The following TTC3 variants were observed in gnomAD, a reference collection of about 807,000 sequenced individuals.
TTC3 encodes the protein tetratricopeptide repeat domain 3, also known as E3 ubiquitin-protein ligase TTC3.
A neutral mutation model predicts 249.6 loss-of-function variants in TTC3; 180 were observed. That is an observed-to-expected ratio of 0.72 (90% CI 0.64 to 0.82). The LOEUF (loss-of-function observed/expected upper bound fraction) is 0.82, where lower values mean the gene tolerates loss of function less well. TTC3 is among the 40% of genes least tolerant of loss of function. The pLI, the probability that TTC3 is intolerant of heterozygous loss-of-function variation, is 0.00. For missense variants in TTC3, 2,061 were observed against 2,398.4 expected (o/e 0.86, Z 2.94); for synonymous variants, 717 against 805.0 (o/e 0.89, Z 1.85).
chr21:37,179,661 A>C (rs2082578165), intron 35 of TTC3, among the ~76,000 whole-genome samples: 1 of 152,106 alleles, frequency 6.6e-6, no homozygotes, highest in African/African-American at 2.4e-5. Context: ...CTTGAAAGTA[A>C]GGACTGTTTT....
chr21:37,165,686 G>T lies in TTC3; in HGVS notation c.3472G>T (p.Gly1158Ter). Reference sequence around the variant, plus strand: ...AGGAGGTTTAAAACCTTTTCTCTTGGGATGCCCTCGTTTTGTTGTGATTGA... The same window carrying T: ...AGGAGGTTTAAAACCTTTTCTCTTGTGATGCCCTCGTTTTGTTGTGATTGA... Residue 1158 changes from glycine to a stop codon, truncating the protein, a stop_gained, in exon 33 of 46, where the codon GGA becomes TGA. Transcript: ENST00000355666. LOFTEE classifies it high-confidence loss of function. 6.2e-7 allele frequency: 1 copy of T among 1,613,798 alleles called. No individual in the cohort carries two copies. Among genetic ancestry groups the T allele is most frequent in the Non-Finnish European group, 8.5e-7 (1 of 1,180,006 alleles).
exon 19 of TTC3, chr21:37,138,701 T>C (rs1273444761): frequency 6.2e-7 from 1 of 1,609,548 alleles, no homozygotes; most frequent in African/African-American, 1.3e-5. Context: ...CTCCTTGGAA[T>C]AGGACAGCCT....
chr21:37,127,580 A>C (rs2077134402), intron 15 of TTC3, among the ~76,000 whole-genome samples: 1 of 152,344 alleles, frequency 6.6e-6, no homozygotes. Flanking sequence ...TGATGGCTTA[A>C]GGTTGTGGTC....
intron 7 of TTC3, among the ~76,000 whole-genome samples, chr21:37,092,812 T>G (rs535216835): frequency 6.6e-6 from 1 of 152,210 alleles, no homozygotes; most frequent in South Asian, 2.1e-4. Context: ...AATTTTTTTT[T>G]GCCACTTTAA....
intron 11 of TTC3, among the ~76,000 whole-genome samples, chr21:37,117,835 CAAAAAAAAA>C (rs60664616): frequency 5.4e-5 from 4 of 73,448 alleles, no homozygotes; most frequent in Admixed American, 1.4e-4. Flanking sequence ...TGCGCCACTT[CAAAAAAAAA>C]AAAAAAAAAG....
Position 37,149,459 on chromosome 21 carries a change from A to G in TTC3, c.2119-619A>G, listed in dbSNP as rs576029326. ...CTGTCACCTTTGAGTCACTTCTGCTATGTCTTTGTCTTACCTAAATTGAGT... is the reference window on the plus strand; with the variant it reads ...CTGTCACCTTTGAGTCACTTCTGCTGTGTCTTTGTCTTACCTAAATTGAGT... On this transcript the variant is annotated intron_variant, in intron 23 of 45. Transcript: ENST00000355666. 2.2e-4 allele frequency among the ~76,000 whole-genome samples: 33 copies of G among 152,332 alleles called. 1 individual carries two copies. The South Asian group carries it at 6.8e-3, about 32-fold the overall frequency.
rs569747650 is a variant in TTC3 at position 37,123,131 on chromosome 21, C to G, written c.1109+103C>G. ...ACGCTTTAGGAGCTAATAGCAACCA[C>G]AGTAAAGTTGGAGATGGAAGGAAGA... is the stretch of plus-strand genomic sequence containing the variant. On this transcript the variant is annotated intron_variant, in intron 13 of 45. Transcript: ENST00000355666. 1.1e-5 allele frequency: 13 copies of G among 1,217,616 alleles called. No homozygotes were observed. In the South Asian group the frequency reaches 1.4e-4, roughly 13 times the overall value. 75.4% of individuals were successfully genotyped at this position (1,217,616 alleles called of 1,614,324 possible).
intron 1 of TTC3, among the ~76,000 whole-genome samples, chr21:37,075,129 T>C (rs1485842187): frequency 5.3e-5 from 8 of 151,588 alleles, no homozygotes; most frequent in Admixed American, 4.6e-4. Flanking sequence ...TTTTAAACTT[T>C]AATGGCATTA....
At chr21:37,162,890 T>C (rs1793882) in intron 31 of TTC3, among the ~76,000 whole-genome samples, 152,214 of 152,214 alleles carry the variant, frequency 1, 76,107 homozygotes, top group Non-Finnish European at 1. Context: ...ATGGTGCCTT[T>C]TTGCTGTGTT....
At chr21:37,140,478 T>TA (rs564780706) in intron 19 of TTC3, 83 bp from the exon 20 acceptor site, 41 of 951,718 alleles carry the variant, frequency 4.3e-5, no homozygotes, top group South Asian at 8.4e-5. Context: ...TTTAATATTA[T>TA]AAAAAAAATC....
exon 35 of TTC3, chr21:37,172,682 A>G (rs766322006): frequency 6.2e-7 from 1 of 1,614,102 alleles, no homozygotes; most frequent in Non-Finnish European, 8.5e-7. Flanking sequence ...GATAAAACTT[A>G]AGGGCTTAGA....
At chr21:37,099,600 G>A (rs558826185) in intron 10 of TTC3, among the ~76,000 whole-genome samples, 8 of 152,184 alleles carry the variant, frequency 5.3e-5, no homozygotes, top group Non-Finnish European at 1.0e-4. Flanking sequence ...TAAAAACTAC[G>A]AGTTTCTCAT....
At chr21:37,104,994 A>G (rs75241530) in intron 10 of TTC3, among the ~76,000 whole-genome samples, 2,187 of 152,336 alleles carry the variant, frequency 0.014, 126 homozygotes, top group Admixed American at 0.11. Flanking sequence ...CATATGGCCA[A>G]TTGGAGAAGG....
intron 27 of TTC3, among the ~76,000 whole-genome samples, chr21:37,155,348 A>G (rs1429770705): frequency 3.3e-5 from 5 of 152,206 alleles, no homozygotes; most frequent in African/African-American, 1.2e-4. Context: ...GATAAATTTA[A>G]CATCCCAATA....
exon 46 of TTC3, chr21:37,201,610 GA>G: frequency 6.3e-7 from 1 of 1,584,866 alleles, no homozygotes; most frequent in Non-Finnish European, 8.6e-7. Context: ...CCAGTGTGTT[GA>G]ATCCGAAGAA....
rs192600808 is a variant in TTC3 at position 37,159,475 on chromosome 21, A to G, written c.2993-224A>G. The G allele has an allele frequency of 7.0e-4, 380 of 541,538 alleles. 1 individual carries two copies. Among genetic ancestry groups the G allele is most frequent in the African/African-American group, 6.8e-3 (351 of 51,798 alleles). 33.5% of individuals were successfully genotyped at this position (541,538 alleles called of 1,614,324 possible). ...ATAGATGGTACCTAGAAGGCACTCA[A>G]CATTATGCTGAATCAGATTGAAGTT... On this transcript the variant is annotated intron_variant, in intron 28 of 45. Transcript: ENST00000355666.
chr21:37,127,496 G>A (rs948930247), intron 15 of TTC3, among the ~76,000 whole-genome samples: 1 of 152,164 alleles, frequency 6.6e-6, no homozygotes, highest in Admixed American at 6.5e-5. Context: ...ACCAGAGTTT[G>A]ATGAAAATCC....
chr21:37,158,673 A>G (rs571834807), intron 28 of TTC3, among the ~76,000 whole-genome samples: 30 of 152,264 alleles, frequency 2.0e-4, no homozygotes, highest in African/African-American at 6.5e-4. Context: ...AGTATGACTG[A>G]ACCCACCTAT....
chr21:37,088,466 G>T, intron 4 of TTC3, 120 bp downstream of exon 4: 1 of 1,260,218 alleles, frequency 7.9e-7, no homozygotes, highest in East Asian at 2.3e-5. Flanking sequence ...CAACGTTTGT[G>T]TAATAGGGTG....
Sources: gnomAD v4.1 joint callset for allele counts (sites outside exome capture counted in the v4.1 genomes callset) on GRCh38, gnomAD v4.1.1 for gene constraint, MANE v1.5 for transcripts, NCBI Gene and HGNC (gene_info 2026-07-23, HGNC 2026-07-21) for gene names.